The following BBS2 variants were observed in gnomAD, a reference collection of about 807,000 sequenced individuals.
BBS2 encodes Bardet-Biedl syndrome 2.
In BBS2, 62 loss-of-function variants were observed where a neutral mutation model predicts 83.0. That is an observed-to-expected ratio of 0.75 (90% CI 0.61 to 0.92). The LOEUF is 0.92. Among genes scored for constraint, BBS2 ranks in the 40% least tolerant of loss-of-function variants. BBS2 has a pLI of 0.00. For missense variants in BBS2, 784 were observed against 901.0 expected, an observed-to-expected ratio of 0.87 and a Z score of 1.66; for synonymous variants, 303 against 326.1, an observed-to-expected ratio of 0.93 and a Z score of 0.76.
Position 56,519,882 on chromosome 16 carries a change from AG to A in BBS2, c.-21del. 1 of 1,597,008 alleles carries A rather than the reference AG, an allele frequency of 6.3e-7. No individual in the cohort carries two copies. Among genetic ancestry groups the A allele is most frequent in the Non-Finnish European group, 8.6e-7 (1 of 1,164,812 alleles). ...CAGCATGATGGCGGCGGCTTAGGGG[AG>A]GAGGGCTGGAAGCTGGAGACAAGCG... On this transcript the variant is annotated 5_prime_UTR_variant, in exon 1 of 17. Coordinates refer to ENST00000245157, the MANE Select transcript of BBS2 (RefSeq NM_031885.5).
In BBS2 at chr16:56,506,041, A is replaced by G; in HGVS notation, c.718-5T>C. ...GCTCATGGCATGATTTTTCGACTGA[A>G]AAAGAATTTTAATAATTAGCACAGA... On this transcript the variant is annotated splice_region_variant and splice_polypyrimidine_tract_variant and intron_variant, in intron 6 of 16. Transcript: ENST00000245157. The G allele has an allele frequency of 6.2e-7, 1 of 1,613,880 alleles. No individual in the cohort carries two copies. The highest frequency in any genetic ancestry group is 2.2e-5 in the East Asian group (1 of 44,860).
chr16:56,490,318 G>T (rs1360905770), intron 15 of BBS2, among the ~76,000 whole-genome samples: 1 of 151,952 alleles, frequency 6.6e-6, no homozygotes, highest in Non-Finnish European at 1.5e-5. Flanking sequence ...TCTATACCCT[G>T]CTGTTAAAGA....
At chr16:56,486,443 A>G (rs1174011287) in intron 15 of BBS2, among the ~76,000 whole-genome samples, 1 of 152,262 alleles carries the variant, frequency 6.6e-6, no homozygotes, top group African/African-American at 2.4e-5. Flanking sequence ...CAAAGTCTGG[A>G]AACAACCCAA....
chr16:56,498,373 G>C (rs1308342631), intron 13 of BBS2, 64 bp downstream of exon 13: 2 of 1,582,244 alleles, frequency 1.3e-6, no homozygotes, highest in African/African-American at 2.7e-5. Flanking sequence ...CTCATTCCAT[G>C]GTCTAAGTGT....
Position 56,514,632 on chromosome 16 carries a change from T to C in BBS2, c.166A>G (p.Arg56Gly), listed in dbSNP as rs1182528195. Residue 56 changes from arginine to glycine, a missense_variant, in exon 2 of 17, where the codon AGG (arginine) becomes GGG (glycine). Arg to Gly is a moderately radical substitution (Grantham distance 125). Coordinates refer to ENST00000245157, the MANE Select transcript of BBS2 (RefSeq NM_031885.5). ...HTRNQHVSAS[R>G]VFQSPLESDV... ...GATTCCAGGGGGCTCTGGAAGACCC[T>C]GGATGCACTGACATGCTGGTTCCGT... 1 of 1,614,190 alleles carries C rather than the reference T, an allele frequency of 6.2e-7. No homozygotes were observed. Among genetic ancestry groups the C allele is most frequent in the African/African-American group, 1.3e-5 (1 of 75,062 alleles).
In BBS2 at chr16:56,502,348, A is replaced by C; in HGVS notation, c.1049T>G (p.Leu350Arg). Residue 350 changes from leucine to arginine, a missense_variant, in exon 9 of 17, where the codon CTG becomes CGG. By Grantham distance (102) the Leu-to-Arg change is moderately radical. Coordinates refer to ENST00000245157, the MANE Select transcript of BBS2 (RefSeq NM_031885.5). Reference sequence around the variant, plus strand: ...ATTTTCCTCATAGTTACGGAGTTCCAGCAACAGATTCTGCTTCTTCTGACT... The same window carrying C: ...ATTTTCCTCATAGTTACGGAGTTCCCGCAACAGATTCTGCTTCTTCTGACT... ...ELSQKKQNLL[L>R]ELRNYEENAK... 6.2e-7 allele frequency: 1 copy of C among 1,614,188 alleles called. No individual in the cohort carries two copies. The highest frequency in any genetic ancestry group is 8.5e-7 in the Non-Finnish European group (1 of 1,180,036).
At chr16:56,470,421 C>A, downstream of BBS2, 1 of 1,422,870 alleles carries the variant, frequency 7.0e-7, no homozygotes, top group Non-Finnish European at 9.6e-7. Context: ...TAACGATCAG[C>A]TTTTATTCTG....
At chr16:56,505,692 T>C (rs545206027) in intron 7 of BBS2, among the ~76,000 whole-genome samples, 1 of 152,202 alleles carries the variant, frequency 6.6e-6, no homozygotes, top group Non-Finnish European at 1.5e-5. Flanking sequence ...TTCTCAGCAC[T>C]TCAAATAAGA....
intron 12 of BBS2, 36 bp downstream of exon 12, chr16:56,499,742 T>A (rs371487537): frequency 1.2e-6 from 2 of 1,613,224 alleles, no homozygotes; most frequent in African/African-American, 2.7e-5. Context: ...GATTCTACTG[T>A]GTAAAAGCAT....
chr16:56,470,664 T>C, exon 18 of BBS2: 1 of 1,614,168 alleles, frequency 6.2e-7, no homozygotes, highest in South Asian at 1.1e-5. Flanking sequence ...AAACCACTGA[T>C]ATCACTGAAG....
downstream of BBS2, among the ~76,000 whole-genome samples, chr16:56,484,138 C>G (rs964151988): frequency 2.0e-5 from 3 of 151,824 alleles, no homozygotes; most frequent in Non-Finnish European, 2.9e-5. Context: ...TCCCAAGTAG[C>G]TTGGACTACA....
intron 2 of BBS2, among the ~76,000 whole-genome samples, chr16:56,513,065 T>C (rs1374636805): frequency 1.3e-5 from 2 of 152,098 alleles, no homozygotes; most frequent in Admixed American, 6.6e-5. Flanking sequence ...GGTGGGAGAA[T>C]TGCTTGAGCC....
intron 2 of BBS2, 129 bp downstream of exon 2, chr16:56,514,324 A>G: frequency 1.2e-6 from 1 of 848,238 alleles, no homozygotes; most frequent in Non-Finnish European, 1.9e-6. Context: ...CAAAATCTCC[A>G]TGTTGTTTAC....
intron 11 of BBS2, 61 bp from the exon 12 acceptor site, chr16:56,499,968 A>C (rs1964216661): frequency 6.2e-7 from 1 of 1,603,918 alleles, no homozygotes; most frequent in South Asian, 1.1e-5. Flanking sequence ...TTCAAAATGC[A>C]AGGCCCAGAA....
At chr16:56,485,880 C>T in intron 15 of BBS2, 142 bp from the exon 16 acceptor site, 2 of 745,760 alleles carry the variant, frequency 2.7e-6, no homozygotes, top group Middle Eastern at 7.5e-4. Flanking sequence ...TGCTAGTTTG[C>T]TTTGAAAATA....
At chr16:56,471,729 T>C (rs1353115212) in intron 17 of BBS2, among the ~76,000 whole-genome samples, 1 of 152,216 alleles carries the variant, frequency 6.6e-6, no homozygotes, top group Non-Finnish European at 1.5e-5. Flanking sequence ...TTCTGTGGCC[T>C]TCCAAAACTG....
At chr16:56,508,391 G>C (rs148832607) in intron 5 of BBS2, among the ~76,000 whole-genome samples, 98 of 152,242 alleles carry the variant, frequency 6.4e-4, no homozygotes, top group African/African-American at 2.3e-3. Context: ...CCACCATTCT[G>C]ATCTCTAAGA....
intron 15 of BBS2, among the ~76,000 whole-genome samples, chr16:56,496,499 G>A (rs1039654086): frequency 4.6e-5 from 7 of 151,956 alleles, no homozygotes; most frequent in South Asian, 4.2e-4. Flanking sequence ...CTATACACAC[G>A]GATACATTTT....
chr16:56,498,360 CCT>C, intron 13 of BBS2, 75 bp downstream of exon 13: 5 of 1,546,520 alleles, frequency 3.2e-6, no homozygotes, highest in Non-Finnish European at 4.4e-6. Context: ...AATCTATGCC[CCT>C]CTCATTCCAT....
Sources: allele counts gnomAD v4.1 joint callset (sites outside exome capture counted in the v4.1 genomes callset), GRCh38; gene constraint gnomAD v4.1.1; transcripts MANE v1.5; gene names NCBI Gene and HGNC (gene_info 2026-07-23, HGNC 2026-07-21).